CHL1: variants seen among roughly 807,000 people sequenced by gnomAD.
CHL1 encodes cell adhesion molecule L1 like, also known as neural cell adhesion molecule L1-like protein.
A neutral mutation model predicts 141.9 loss-of-function variants in CHL1; 96 were observed. The observed-to-expected ratio is 0.68, with a 90% confidence interval of 0.57 to 0.80. CHL1 has a LOEUF of 0.80. Ranked by LOEUF, CHL1 falls within the 30% of genes least tolerant of loss-of-function variation. CHL1 has a pLI of 0.00. For missense variants in CHL1, 1,820 were observed against 1,457.2 expected (o/e 1.25, Z -4.05); for synonymous variants, 613 against 502.2 (o/e 1.22, Z -2.95).
At chr3:367,907 T>G (rs1472638834) in intron 15 of CHL1, among the ~76,000 whole-genome samples, 2 of 152,314 alleles carry the variant, frequency 1.3e-5, no homozygotes, top group East Asian at 3.9e-4. Flanking sequence ...TTCATCCATG[T>G]CCCTGAAAAG....
chr3:396,273 C>T (rs1434348183), intron 24 of CHL1, among the ~76,000 whole-genome samples: 4 of 152,162 alleles, frequency 2.6e-5, no homozygotes, highest in Non-Finnish European at 4.4e-5. Context: ...AGCATTGGAA[C>T]TGACATCAAG....
chr3:328,536 AAAC>A (rs775117324), intron 5 of CHL1, 182 bp downstream of exon 5: 7 of 467,418 alleles, frequency 1.5e-5, no homozygotes, highest in Non-Finnish European at 2.6e-5. Flanking sequence ...TGACCTTAGA[AAAC>A]AACATAATTT....
chr3:377,124 C>A (rs1453740023), intron 15 of CHL1, among the ~76,000 whole-genome samples: 3 of 152,114 alleles, frequency 2.0e-5, no homozygotes, highest in African/African-American at 7.2e-5. Flanking sequence ...GTTATCTCAA[C>A]AATGGTACGG....
At chr3:257,374 G>A (rs1694271104) in intron 2 of CHL1, among the ~76,000 whole-genome samples, 2 of 137,190 alleles carry the variant, frequency 1.5e-5, no homozygotes, top group East Asian at 4.2e-4. Context: ...TTTTTTGTGA[G>A]ACAGAGTCTC....
At chr3:310,743 C>G (rs1278773548) in intron 2 of CHL1, among the ~76,000 whole-genome samples, 1 of 152,170 alleles carries the variant, frequency 6.6e-6, no homozygotes, top group Non-Finnish European at 1.5e-5. Context: ...ATATCAATAA[C>G]GCCCCAAATC....
At chr3:200,843 T>C (rs1471356014) in intron 1 of CHL1, among the ~76,000 whole-genome samples, 1 of 152,220 alleles carries the variant, frequency 6.6e-6, no homozygotes, top group Non-Finnish European at 1.5e-5. Flanking sequence ...CTTTCTTTTT[T>C]CTGTACATCT....
intron 2 of CHL1, among the ~76,000 whole-genome samples, chr3:277,983 T>C (rs1412195284): frequency 1.3e-5 from 2 of 152,244 alleles, no homozygotes; most frequent in Non-Finnish European, 2.9e-5. Context: ...TTGTATTTTA[T>C]TTTACTAGGC....
intron 1 of CHL1, among the ~76,000 whole-genome samples, chr3:215,340 C>T (rs1299055645): frequency 3.9e-5 from 6 of 152,144 alleles, no homozygotes; most frequent in Non-Finnish European, 7.4e-5. Context: ...CGTTCTCACT[C>T]ATTTGTGGAG....
chr3:385,666 A>G (rs1707608139), intron 19 of CHL1: 1 of 151,980 alleles, frequency 6.6e-6, no homozygotes, highest in Non-Finnish European at 1.5e-5. Context: ...CATCTCTACT[A>G]AAAATATAAA....
At chr3:321,335 T>C (rs1407887283) in intron 3 of CHL1, among the ~76,000 whole-genome samples, 2 of 152,172 alleles carry the variant, frequency 1.3e-5, no homozygotes, top group South Asian at 2.1e-4. Flanking sequence ...TGCTTTACAT[T>C]TGGCTGAAAT....
At chr3:296,931 G>A (rs1698238702) in intron 2 of CHL1, among the ~76,000 whole-genome samples, 1 of 152,102 alleles carries the variant, frequency 6.6e-6, no homozygotes, top group Non-Finnish European at 1.5e-5. Flanking sequence ...AGAGTGGGAG[G>A]GAGAGAATGT....
chr3:392,434 C>G (rs570953814), intron 23 of CHL1, among the ~76,000 whole-genome samples: 7 of 152,344 alleles, frequency 4.6e-5, no homozygotes, highest in Admixed American at 4.6e-4. Flanking sequence ...AGAATGGGCT[C>G]TGCCCAGATG....
At chr3:303,607 G>A (rs1698958178) in intron 2 of CHL1, among the ~76,000 whole-genome samples, 1 of 152,188 alleles carries the variant, frequency 6.6e-6, no homozygotes, top group South Asian at 2.1e-4. Context: ...TGCTGAAGTT[G>A]CTTATCAGCT....
chr3:297,118 C>T (rs1382342576), intron 2 of CHL1, among the ~76,000 whole-genome samples: 9 of 151,890 alleles, frequency 5.9e-5, no homozygotes, highest in Admixed American at 2.6e-4. Context: ...CCCAGCTGCT[C>T]GGGAGGCAGA....
intron 1 of CHL1, among the ~76,000 whole-genome samples, chr3:243,251 T>C (rs142621463): frequency 1.4e-4 from 22 of 152,244 alleles, no homozygotes; most frequent in African/African-American, 5.3e-4. Context: ...GTAACACACA[T>C]AGGATGCTGG....
intron 1 of CHL1, chr3:197,784 C>T (rs886202175): frequency 1.1e-5 from 5 of 455,834 alleles, no homozygotes; most frequent in African/African-American, 2.0e-5. Flanking sequence ...CCGTGGTTGC[C>T]ATGGCTCCTG....
intron 1 of CHL1, among the ~76,000 whole-genome samples, chr3:228,838 G>A (rs3872649): frequency 0.77 from 117,358 of 152,038 alleles, 47,096 homozygotes; most frequent in Non-Finnish European, 0.89. Flanking sequence ...GTTCCTAATG[G>A]TTGATTTAAT....
At chr3:228,404 T>C (rs1701557362) in intron 1 of CHL1, among the ~76,000 whole-genome samples, 1 of 152,110 alleles carries the variant, frequency 6.6e-6, no homozygotes. Flanking sequence ...ACTTTTTATG[T>C]AGATATTAAG....
intron 3 of CHL1, among the ~76,000 whole-genome samples, chr3:322,966 T>C (rs1203852736): frequency 6.6e-6 from 1 of 151,986 alleles, no homozygotes; most frequent in Non-Finnish European, 1.5e-5. Flanking sequence ...TGTTATTAAT[T>C]ATCTACCTTG....
Sources: gnomAD v4.1 joint callset for allele counts (sites outside exome capture counted in the v4.1 genomes callset) on GRCh38, gnomAD v4.1.1 for gene constraint, MANE v1.5 for transcripts, NCBI Gene and HGNC (gene_info 2026-07-23, HGNC 2026-07-21) for gene names.